GATAD2B: variants seen among roughly 807,000 people sequenced by gnomAD.
GATAD2B encodes the protein transcriptional repressor p66-beta.
GATAD2B carries 8 observed loss-of-function variants against 64.3 expected under a neutral mutation model. That is an observed-to-expected ratio of 0.12 (90% CI 0.07 to 0.22). The LOEUF (loss-of-function observed/expected upper bound fraction) is 0.22. GATAD2B is among the 10% of genes least tolerant of loss of function. The pLI is 1.00. For synonymous variants in GATAD2B, 281 were observed against 271.3 expected, an observed-to-expected ratio of 1.04 and a Z score of -0.35; for missense variants, 453 against 752.0, an observed-to-expected ratio of 0.60 and a Z score of 4.65.
chr1:153,922,254 G>A (rs868093884), intron 1 of GATAD2B, among the ~76,000 whole-genome samples: 5 of 150,192 alleles, frequency 3.3e-5, no homozygotes, highest in South Asian at 2.1e-4. Context: ...AGCGGCCCCC[G>A]CACCCTGAGG....
chr1:153,922,758 C>G lies in GATAD2B; in HGVS notation c.-27G>C, dbSNP rs886575547. 6.6e-6 allele frequency: 1 copy of G among 152,398 alleles called. No individual in the cohort carries two copies. Among genetic ancestry groups the G allele is most frequent in the Admixed American group, 6.6e-5 (1 of 15,256 alleles). The allele number at this position is 152,398 out of a possible 1,614,324, so 9.4% of individuals were successfully genotyped here. On this transcript the variant is annotated 5_prime_UTR_variant, in exon 1 of 11. Transcript: ENST00000368655. The stretch of plus-strand genomic sequence containing the variant: ...CTGGCGGTGGCGGTGTAACTCCCGG[C>G]TAGCTCGCCTCCTCAGGCGGCGGCG...
intron 1 of GATAD2B, among the ~76,000 whole-genome samples, chr1:153,854,525 T>G (rs1676015442): frequency 6.6e-6 from 1 of 152,206 alleles, no homozygotes. Context: ...CCTCTTTCAT[T>G]TGCAGTCCCT....
intron 1 of GATAD2B, among the ~76,000 whole-genome samples, chr1:153,838,786 T>A (rs1299444473): frequency 6.6e-6 from 1 of 152,168 alleles, no homozygotes; most frequent in Non-Finnish European, 1.5e-5. Flanking sequence ...ATTTTCTCTT[T>A]ACTGAAATGT....
At chr1:153,841,150 G>GA (rs1339638540) in intron 1 of GATAD2B, among the ~76,000 whole-genome samples, 5 of 143,418 alleles carry the variant, frequency 3.5e-5, no homozygotes, top group Non-Finnish European at 4.6e-5. Flanking sequence ...AAGAAAAAAA[G>GA]AAAAAAAAAG....
chr1:153,880,633 AAG>A (rs1434081246), intron 1 of GATAD2B, among the ~76,000 whole-genome samples: 3 of 152,040 alleles, frequency 2.0e-5, no homozygotes, highest in Non-Finnish European at 4.4e-5. Flanking sequence ...TGGGAACAGA[AAG>A]AAGAGACCCA....
intron 1 of GATAD2B, among the ~76,000 whole-genome samples, chr1:153,842,823 T>C (rs756758882): frequency 2.4e-4 from 36 of 152,000 alleles, no homozygotes; most frequent in Non-Finnish European, 5.1e-4. Flanking sequence ...TGGCTAATTT[T>C]TTTGTATTTT....
chr1:153,814,103 C>G (rs527625495), intron 7 of GATAD2B, among the ~76,000 whole-genome samples: 1 of 152,334 alleles, frequency 6.6e-6, no homozygotes, highest in African/African-American at 2.4e-5. Context: ...TCTAACTCAA[C>G]CAATACTTTT....
intron 1 of GATAD2B, among the ~76,000 whole-genome samples, chr1:153,843,906 G>A (rs1570951302): frequency 6.6e-6 from 1 of 151,908 alleles, no homozygotes; most frequent in African/African-American, 2.4e-5. Flanking sequence ...TGATCCCAGA[G>A]TGACAAGAAG....
In GATAD2B at chr1:153,868,425, T is replaced by C. The variant is rs138915778; in HGVS notation, c.-1-40077A>G. ...TTCTCATAGCTGCCTCTGCATTCAA[T>C]GTGCAGTGATGTTGTTCTAGTTAAC... On this transcript the variant is annotated intron_variant, in intron 1 of 10. Coordinates refer to ENST00000368655, the MANE Select transcript of GATAD2B (RefSeq NM_020699.4). Among the ~76,000 whole-genome samples the C allele has an allele frequency of 2.9e-4, 44 of 150,692 alleles. No individual in the cohort carries two copies. In the East Asian group the frequency reaches 7.6e-3, roughly 26 times the overall value.
intron 4 of GATAD2B, 78 bp from the exon 5 acceptor site, chr1:153,818,249 T>C: frequency 1.5e-6 from 2 of 1,339,882 alleles, no homozygotes; most frequent in Non-Finnish European, 2.0e-6. Flanking sequence ...ACTTTAAAAA[T>C]TCCTGGTCAG....
rs553631118 is a variant in GATAD2B at position 153,901,549 on chromosome 1, G to A, written c.-2+21184C>T. 1.7e-3 allele frequency among the ~76,000 whole-genome samples: 260 copies of A among 152,168 alleles called. 2 individuals carry two copies. Among genetic ancestry groups the A allele is most frequent in the Non-Finnish European group, 2.8e-3 (189 of 68,012 alleles). On this transcript the variant is annotated intron_variant, in intron 1 of 10. Transcript: ENST00000368655. ...TTCTTTGGTTAAAATGTCCAACTGCGCCCGATGGCTCACACCTGTAATCCC... is the reference window on the plus strand; with the variant it reads ...TTCTTTGGTTAAAATGTCCAACTGCACCCGATGGCTCACACCTGTAATCCC...
intron 1 of GATAD2B, among the ~76,000 whole-genome samples, chr1:153,861,849 C>T (rs1050372393): frequency 4.2e-5 from 6 of 141,378 alleles, no homozygotes; most frequent in African/African-American, 1.6e-4. Flanking sequence ...TATGTATGTA[C>T]GTATATGTAT....
chr1:153,822,732 C>T (rs890853138), intron 2 of GATAD2B, among the ~76,000 whole-genome samples: 10 of 152,198 alleles, frequency 6.6e-5, no homozygotes, highest in African/African-American at 2.4e-4. Flanking sequence ...CTCCTGACCT[C>T]GTGATCCGCC....
intron 2 of GATAD2B, chr1:153,827,706 G>A (rs541757202): frequency 1.2e-3 from 386 of 329,112 alleles, no homozygotes; most frequent in Middle Eastern, 3.3e-3. Flanking sequence ...AGACGGCCAT[G>A]AAGATTAGAA....
Position 153,863,918 on chromosome 1 carries a change from C to G in GATAD2B, c.-1-35570G>C, listed in dbSNP as rs556282456. ...GGATTACAGGTTATGAGCCACCACGCCCGGCCTAAAAATCCTGTTTTTCTT... is the reference window on the plus strand; with the variant it reads ...GGATTACAGGTTATGAGCCACCACGGCCGGCCTAAAAATCCTGTTTTTCTT... On this transcript the variant is annotated intron_variant, in intron 1 of 10. Transcript: ENST00000368655. Among the ~76,000 whole-genome samples, 4 of 152,278 alleles carry G rather than the reference C, an allele frequency of 2.6e-5. No homozygotes were observed. In the South Asian group the frequency reaches 8.3e-4, roughly 32 times the overall value.
intron 1 of GATAD2B, among the ~76,000 whole-genome samples, chr1:153,904,870 C>A (rs927848107): frequency 2.6e-5 from 4 of 152,164 alleles, no homozygotes; most frequent in African/African-American, 9.7e-5. Context: ...CCACATCTGG[C>A]TAATTTTTCT....
chr1:153,808,799 TA>T lies in GATAD2B; in HGVS notation c.*1377del, dbSNP rs58886241. On this transcript the variant is annotated 3_prime_UTR_variant, in exon 11 of 11. Transcript: ENST00000368655. The stretch of plus-strand genomic sequence containing the variant: ...ATTCATTCTCTACATTAGTAGCGCT[TA>T]AAAAAAAAAAAAAAAAAAAGGCAAA... 614 of 93,848 alleles carry T rather than the reference TA, an allele frequency of 6.5e-3. 1 individual carries two copies. The highest frequency in any genetic ancestry group is 0.014 in the African/African-American group (351 of 25,660). The allele number at this position is 93,848 out of a possible 1,614,324, so 5.8% of individuals were successfully genotyped here. A position where few individuals can be genotyped will look rare whatever the true frequency, so the allele number is the denominator to read the frequency against.
At chr1:153,839,825 G>T (rs1264987898) in intron 1 of GATAD2B, among the ~76,000 whole-genome samples, 2 of 151,560 alleles carry the variant, frequency 1.3e-5, no homozygotes, top group Non-Finnish European at 2.9e-5. Flanking sequence ...CAAAAAATTA[G>T]CTGGGCTGGT....
At chr1:153,863,666 C>T (rs2101923187) in intron 1 of GATAD2B, among the ~76,000 whole-genome samples, 1 of 151,804 alleles carries the variant, frequency 6.6e-6, no homozygotes, top group African/African-American at 2.4e-5. Flanking sequence ...GCTCTGTCTT[C>T]AGGCTGGAGT....
Sources: allele counts gnomAD v4.1 joint callset (sites outside exome capture counted in the v4.1 genomes callset), GRCh38; gene constraint gnomAD v4.1.1; transcripts MANE v1.5; gene names NCBI Gene and HGNC (gene_info 2026-07-23, HGNC 2026-07-21).